HDX: variants seen among roughly 807,000 people sequenced by gnomAD.
HDX encodes chromosome X open reading frame 43.
In HDX, 19 loss-of-function variants were observed where a neutral mutation model predicts 45.2. The observed-to-expected ratio is 0.42, with a 90% confidence interval of 0.29 to 0.62. The LOEUF (loss-of-function observed/expected upper bound fraction) is 0.62. Among genes scored for constraint, HDX ranks in the 20% least tolerant of loss-of-function variants. HDX has a pLI of 0.20. For missense variants in HDX, 532 were observed against 493.9 expected, an observed-to-expected ratio of 1.08 and a Z score of -0.73; for synonymous variants, 188 against 172.8, an observed-to-expected ratio of 1.09 and a Z score of -0.69.
At chrX:84,393,167 T>G (rs773883369) in intron 5 of HDX, among the ~76,000 whole-genome samples, 1 of 111,808 alleles carries the variant, frequency 8.9e-6, no homozygotes, top group Non-Finnish European at 1.9e-5. Context: ...GTCATATATG[T>G]CCTTTATTAT....
intron 4 of HDX, among the ~76,000 whole-genome samples, chrX:84,464,367 A>T (rs1019098732): frequency 4.5e-5 from 5 of 111,751 alleles, no homozygotes; most frequent in African/African-American, 1.6e-4. Context: ...TGCATAGCCA[A>T]GACAATCCTA....
rs1459882966 is a variant in HDX, at chrX:84,321,721, T to C, written c.*168A>G. 6.6e-6 allele frequency: 2 copies of C among 303,055 alleles called. No homozygotes were observed. The highest frequency in any genetic ancestry group is 1.0e-4 in the East Asian group (2 of 19,255). The allele number at this position is 303,055 out of a possible 1,213,427, so 25.0% of individuals were successfully genotyped here. A position where few individuals can be genotyped will look rare whatever the true frequency, so the allele number is the denominator to read the frequency against. On this transcript the variant is annotated 3_prime_UTR_variant, in exon 11 of 11. Coordinates refer to ENST00000373177, the MANE Select transcript of HDX (RefSeq NM_001177479.2). ...AATGCTTTTAAATTTCACCTACATTTTTGTTGCACTGTAGCCATTATATCT... is the reference window on the plus strand; with the variant it reads ...AATGCTTTTAAATTTCACCTACATTCTTGTTGCACTGTAGCCATTATATCT...
At chrX:84,495,417 ATG>A (rs1451369171) in intron 1 of HDX, among the ~76,000 whole-genome samples, 1 of 111,597 alleles carries the variant, frequency 9.0e-6, no homozygotes, top group Non-Finnish European at 1.9e-5. Flanking sequence ...CTGTTCCACA[ATG>A]TGTACATATA....
chrX:84,497,373 AG>A (rs2041024296), intron 1 of HDX, among the ~76,000 whole-genome samples: 1 of 111,952 alleles, frequency 8.9e-6, no homozygotes, highest in Non-Finnish European at 1.9e-5. Flanking sequence ...ACATTAAGCT[AG>A]CCAAATAAGA....
chrX:84,328,664 A>G (rs1292100978), intron 9 of HDX, among the ~76,000 whole-genome samples: 2 of 110,111 alleles, frequency 1.8e-5, no homozygotes, highest in Admixed American at 9.7e-5. Flanking sequence ...TTAAAACCCC[A>G]AAGAGATACT....
rs12398481 is a variant in HDX, at chrX:84,388,240, T to A, written c.1306-26628A>T. On this transcript the variant is annotated intron_variant, in intron 5 of 10. Transcript: ENST00000373177. ...TCTAGCTGCCTTTAAGTTTTTTTTT[T>A]AATTTTGCATTGACCTTGGTGACTC... is the stretch of plus-strand genomic sequence containing the variant. Among the ~76,000 whole-genome samples, 240 of 111,059 alleles carry A rather than the reference T, an allele frequency of 2.2e-3. 2 individuals are homozygous for A. Among genetic ancestry groups the A allele is most frequent in the African/African-American group, 7.6e-3 (231 of 30,573 alleles).
At chrX:84,420,438 G>A (rs1305856048) in intron 5 of HDX, among the ~76,000 whole-genome samples, 4 of 110,229 alleles carry the variant, frequency 3.6e-5, no homozygotes, top group Admixed American at 9.7e-5. Context: ...ATACACAATC[G>A]GAGGAGTGAA....
intron 5 of HDX, among the ~76,000 whole-genome samples, chrX:84,410,062 T>TTA (rs2038948914): frequency 1.3e-5 from 1 of 74,595 alleles, no homozygotes; most frequent in Non-Finnish European, 2.4e-5. Flanking sequence ...CAAAAAAGAT[T>TTA]AAAAAAAAAA....
intron 9 of HDX, among the ~76,000 whole-genome samples, chrX:84,332,474 C>T (rs1015523241): frequency 2.7e-5 from 3 of 111,040 alleles, no homozygotes; most frequent in East Asian, 2.9e-4. Flanking sequence ...TGGTTTTTAG[C>T]GCCAAACCTT....
chrX:84,493,000 C>A (rs1181841406), intron 1 of HDX, among the ~76,000 whole-genome samples: 2 of 109,401 alleles, frequency 1.8e-5, no homozygotes, highest in African/African-American at 6.7e-5. Flanking sequence ...GCAGCCTCCA[C>A]CTCCTGGATT....
intron 5 of HDX, among the ~76,000 whole-genome samples, chrX:84,368,184 T>C (rs1407181213): frequency 2.7e-5 from 3 of 111,675 alleles, no homozygotes; most frequent in Non-Finnish European, 5.6e-5. Flanking sequence ...TCATTTTATA[T>C]GCTTATTGAA....
intron 5 of HDX, among the ~76,000 whole-genome samples, chrX:84,391,461 T>C (rs1393565670): frequency 3.7e-5 from 4 of 108,252 alleles, no homozygotes; most frequent in African/African-American, 1.3e-4. Flanking sequence ...TGGATAAATA[T>C]TCAGTATTAG....
rs1012921391 is a variant in HDX, at chrX:84,361,352, G to T, written c.1452+114C>A. On this transcript the variant is annotated intron_variant, in intron 6 of 10. Coordinates refer to ENST00000373177, the MANE Select transcript of HDX (RefSeq NM_001177479.2). ...ATTTCAAAATATCTCCTATCCTGTGGGTTATCTTTTCACTTTATTGCTAGC... is the reference window on the plus strand; with the variant it reads ...ATTTCAAAATATCTCCTATCCTGTGTGTTATCTTTTCACTTTATTGCTAGC... The T allele has an allele frequency of 1.1e-4, 60 of 567,955 alleles. No individual in the cohort carries two copies. In the African/African-American group the frequency reaches 1.3e-3, roughly 12 times the overall value. 46.8% of individuals were successfully genotyped at this position (567,955 alleles called of 1,213,427 possible). A position where few individuals can be genotyped will look rare whatever the true frequency, so the allele number is the denominator to read the frequency against.
intron 6 of HDX, among the ~76,000 whole-genome samples, chrX:84,350,552 A>T (rs965107638): frequency 6.3e-5 from 7 of 111,603 alleles, no homozygotes; most frequent in Non-Finnish European, 1.3e-4. Context: ...CTCCTTGATA[A>T]AATTTACCCT....
intron 1 of HDX, among the ~76,000 whole-genome samples, chrX:84,496,552 C>T (rs1337099974): frequency 2.7e-5 from 3 of 110,401 alleles, no homozygotes; most frequent in Non-Finnish European, 5.7e-5. Flanking sequence ...ACCTGAGGCT[C>T]CATATCACAA....
intron 5 of HDX, among the ~76,000 whole-genome samples, chrX:84,386,889 G>A (rs1208557846): frequency 1.8e-5 from 2 of 110,587 alleles, no homozygotes; most frequent in African/African-American, 6.6e-5. Flanking sequence ...CTAGCTTTGG[G>A]GTTGATTTGT....
intron 7 of HDX, among the ~76,000 whole-genome samples, chrX:84,338,036 C>T (rs754567220): frequency 1.8e-5 from 2 of 111,151 alleles, no homozygotes; most frequent in Admixed American, 9.6e-5. Flanking sequence ...TAGAATTTCG[C>T]GATCTCATGG....
chrX:84,482,062 G>T (rs1196536706), intron 2 of HDX, among the ~76,000 whole-genome samples: 1 of 111,531 alleles, frequency 9.0e-6, no homozygotes, highest in African/African-American at 3.3e-5. Context: ...CTTCTTTATG[G>T]CTATGGAGTA....
chrX:84,365,917 CT>C (rs1200171813), intron 5 of HDX, among the ~76,000 whole-genome samples: 4 of 111,888 alleles, frequency 3.6e-5, no homozygotes, highest in Non-Finnish European at 7.5e-5. Flanking sequence ...CCTTTGAAAA[CT>C]GGCACAAAGC....
Sources: allele counts gnomAD v4.1 joint callset (sites outside exome capture counted in the v4.1 genomes callset), GRCh38; gene constraint gnomAD v4.1.1; transcripts MANE v1.5; gene names NCBI Gene and HGNC (gene_info 2026-07-23, HGNC 2026-07-21).